The following RPS6KA2 variants were observed in gnomAD, a reference collection of about 807,000 sequenced individuals.
The protein encoded by RPS6KA2 is ribosomal protein S6 kinase A2.
In RPS6KA2, 42 loss-of-function variants were observed where a neutral mutation model predicts 91.8. The observed-to-expected ratio is 0.46, with a 90% CI of 0.36 to 0.59. RPS6KA2 has a LOEUF of 0.59. Ranked by LOEUF, RPS6KA2 falls within the 20% of genes least tolerant of loss-of-function variation. The pLI, the probability that RPS6KA2 is intolerant of heterozygous loss-of-function variation, is 0.00. For missense variants in RPS6KA2, 798 were observed against 978.5 expected, an observed-to-expected ratio of 0.82 and a Z score of 2.46; for synonymous variants, 414 against 393.6, an observed-to-expected ratio of 1.05 and a Z score of -0.61.
intron 2 of RPS6KA2, among the ~76,000 whole-genome samples, chr6:166,751,731 G>A (rs1319356490): frequency 6.6e-6 from 1 of 152,236 alleles, no homozygotes. Flanking sequence ...TCGCATCCTA[G>A]TGAAGTCCAA....
rs550181351 is a variant in RPS6KA2, at chr6:166,553,046, A to C, written c.100-14262T>G. Among the ~76,000 whole-genome samples, 7 of 152,374 alleles carry C rather than the reference A, an allele frequency of 4.6e-5. No individual in the cohort carries two copies. In the South Asian group the frequency reaches 1.4e-3, roughly 32 times the overall value. On this transcript the variant is annotated intron_variant, in intron 1 of 20. Coordinates refer to ENST00000265678, the MANE Select transcript of RPS6KA2 (RefSeq NM_021135.6). ...ACACACACTTATATAATATTGCTGA[A>C]TGTAAAATTCTCAAGGTAGGCTCAA...
At chr6:166,473,678 A>G (rs1002830340) in intron 10 of RPS6KA2, among the ~76,000 whole-genome samples, 2 of 152,162 alleles carry the variant, frequency 1.3e-5, no homozygotes, top group African/African-American at 4.8e-5. Flanking sequence ...TGGTTAATTC[A>G]TGGTTTGGGA....
At chr6:166,478,747 C>A (rs1781076348) in intron 10 of RPS6KA2, among the ~76,000 whole-genome samples, 1 of 152,180 alleles carries the variant, frequency 6.6e-6, no homozygotes, top group Admixed American at 6.5e-5. Context: ...GGACACCCTT[C>A]CCGGCCACAG....
At chr6:166,596,459 G>A (rs1488392407) in intron 1 of RPS6KA2, among the ~76,000 whole-genome samples, 1 of 152,164 alleles carries the variant, frequency 6.6e-6, no homozygotes, top group Non-Finnish European at 1.5e-5. Context: ...GAGCAGACTT[G>A]CTGAGTCTTC....
intron 1 of RPS6KA2, among the ~76,000 whole-genome samples, chr6:166,590,048 A>G (rs1785306816): frequency 1.3e-5 from 2 of 152,186 alleles, no homozygotes; most frequent in African/African-American, 2.4e-5. Context: ...ACTGGGGGGA[A>G]TACAGACGGT....
At chr6:166,786,209 C>A (rs1778925785) in intron 2 of RPS6KA2, among the ~76,000 whole-genome samples, 1 of 152,170 alleles carries the variant, frequency 6.6e-6, no homozygotes, top group Admixed American at 6.5e-5. Context: ...CATCATGGAG[C>A]AGAACTAAAT....
chr6:166,505,408 C>T (rs767308239), intron 5 of RPS6KA2, among the ~76,000 whole-genome samples: 11 of 152,176 alleles, frequency 7.2e-5, no homozygotes, highest in South Asian at 2.1e-4. Context: ...TCCCCACCCC[C>T]GACTTGTTAG....
chr6:166,764,074 C>A (rs115479469), intron 2 of RPS6KA2, among the ~76,000 whole-genome samples: 1 of 152,214 alleles, frequency 6.6e-6, no homozygotes, highest in East Asian at 1.9e-4. Context: ...TTGCCATGTG[C>A]GGGGCTTCTG....
At chr6:166,417,958 C>A (rs1358290567) in intron 19 of RPS6KA2, among the ~76,000 whole-genome samples, 1 of 151,896 alleles carries the variant, frequency 6.6e-6, no homozygotes, top group South Asian at 2.1e-4. Context: ...TGTGGTCGCA[C>A]ACGCCTGTAG....
intron 1 of RPS6KA2, among the ~76,000 whole-genome samples, chr6:166,572,853 C>T (rs536789032): frequency 5.9e-5 from 9 of 152,252 alleles, no homozygotes; most frequent in Non-Finnish European, 1.3e-4. Context: ...TCCTCTGCTC[C>T]CCTTGAATCT....
chr6:166,772,621 G>A (rs890177547), intron 2 of RPS6KA2, among the ~76,000 whole-genome samples: 6 of 152,134 alleles, frequency 3.9e-5, no homozygotes, highest in Non-Finnish European at 7.4e-5. Context: ...TCCCAAATGT[G>A]CCGCAATGTT....
At chr6:166,463,785 T>C (rs1183908691) in intron 11 of RPS6KA2, among the ~76,000 whole-genome samples, 2 of 152,186 alleles carry the variant, frequency 1.3e-5, no homozygotes, top group East Asian at 1.9e-4. Context: ...AAAATAATAA[T>C]GCAAAAATAT....
chr6:166,425,627 CA>C (rs370366381), intron 16 of RPS6KA2, among the ~76,000 whole-genome samples: 1 of 150,634 alleles, frequency 6.6e-6, no homozygotes, highest in Non-Finnish European at 1.5e-5. Flanking sequence ...AAATGGAAAA[CA>C]AAAAAAAGGC....
intron 3 of RPS6KA2, among the ~76,000 whole-genome samples, chr6:166,520,697 T>C (rs1362941070): frequency 2.6e-5 from 4 of 152,196 alleles, no homozygotes; most frequent in Admixed American, 1.3e-4. Context: ...TATCTTGCCA[T>C]GAACAGACCT....
intron 1 of RPS6KA2, among the ~76,000 whole-genome samples, chr6:166,556,789 A>G (rs1784190413): frequency 6.6e-6 from 1 of 152,236 alleles, no homozygotes; most frequent in Non-Finnish European, 1.5e-5. Flanking sequence ...TAGGCCACCC[A>G]CAGCCTTCCA....
chr6:166,515,010 C>T (rs1321229490), intron 3 of RPS6KA2, among the ~76,000 whole-genome samples: 1 of 152,078 alleles, frequency 6.6e-6, no homozygotes, highest in African/African-American at 2.4e-5. Context: ...GATGCGAACG[C>T]CCACCCCACA....
At chr6:166,492,890 A>ATT (rs71032807) in intron 8 of RPS6KA2, among the ~76,000 whole-genome samples, 10 of 103,554 alleles carry the variant, frequency 9.7e-5, no homozygotes, top group South Asian at 3.1e-4. Context: ...TAATTTTTGT[A>ATT]TTTTTTTTTT....
intron 3 of RPS6KA2, among the ~76,000 whole-genome samples, chr6:166,511,263 A>C: frequency 6.6e-6 from 1 of 152,142 alleles, no homozygotes; most frequent in Non-Finnish European, 1.5e-5. Context: ...ACAATCCTTC[A>C]TCCAATGGTG....
rs1781670686 is a variant in RPS6KA2 at position 166,493,288 on chromosome 6, T to G, written c.748-2547A>C. ...GCAGCCTCCACCAGCCATGGGGTTC[T>G]GCTGCCTTTCCCATCCCCTTATCCA... On this transcript the variant is annotated intron_variant, in intron 8 of 20. Transcript: ENST00000265678. This position sits in a 1 kb window ranked among gnomAD's most constrained non-coding sequence, Gnocchi z 4.7. Among the ~76,000 whole-genome samples, 1 of 152,162 alleles carries G rather than the reference T, an allele frequency of 6.6e-6. No homozygotes were observed. Among genetic ancestry groups the G allele is most frequent in the Non-Finnish European group, 1.5e-5 (1 of 68,036 alleles).
Sources: gnomAD v4.1 joint callset for allele counts (sites outside exome capture counted in the v4.1 genomes callset) on GRCh38, gnomAD v4.1.1 for gene constraint, Gnocchi (gnomAD v3.1) non-coding constraint, MANE v1.5 for transcripts, NCBI Gene and HGNC (gene_info 2026-07-23, HGNC 2026-07-21) for gene names.